The following NHS variants were observed in gnomAD, a reference collection of about 807,000 sequenced individuals.
NHS encodes NHS actin remodeling regulator.
Under a neutral mutation model 72.5 loss-of-function variants are expected in NHS, and 5 were observed. The observed-to-expected ratio is 0.07, with a 90% CI of 0.04 to 0.14. The LOEUF is 0.14. NHS is among the 10% of genes least tolerant of loss of function. The probability of loss-of-function intolerance (pLI) is 1.00; values close to 1 mark genes in which losing one functional copy is unlikely to be tolerated. For missense variants in NHS, 1,072 were observed against 1,355.7 expected (o/e 0.79, Z 3.29); for synonymous variants, 464 against 547.7 (o/e 0.85, Z 2.13).
At position 17,496,094 on chromosome X, in the gene NHS, C is replaced by G. The variant is rs138878778; in HGVS notation, c.565+119772C>G. 1.2e-3 allele frequency among the ~76,000 whole-genome samples: 134 copies of G among 111,476 alleles called. 1 individual carries two copies. Among genetic ancestry groups the G allele is most frequent in the African/African-American group, 4.3e-3 (132 of 30,680 alleles). ...TCTTCCCTTCCTCCTGCCCTCCAAT[C>G]TCCTCTGGGTGCCTCCTCTTGGCTG... On this transcript the variant is annotated intron_variant, in intron 1 of 8. Coordinates refer to ENST00000676302, the MANE Select transcript of NHS (RefSeq NM_001291867.2).
intron 1 of NHS, among the ~76,000 whole-genome samples, chrX:17,400,601 AAG>A (rs981097982): frequency 5.4e-5 from 6 of 111,015 alleles, no homozygotes; most frequent in Non-Finnish European, 9.4e-5. Flanking sequence ...GAAAAAAAAA[AAG>A]AGAGAGAATG....
chrX:17,445,736 C>G (rs1601710000), intron 1 of NHS, among the ~76,000 whole-genome samples: 2 of 89,683 alleles, frequency 2.2e-5, no homozygotes, highest in Non-Finnish European at 4.2e-5. Context: ...TCTCGACTTA[C>G]TCACTGCTAA....
chrX:17,657,540 C>A (rs1295500510), intron 1 of NHS, among the ~76,000 whole-genome samples: 2 of 112,343 alleles, frequency 1.8e-5, no homozygotes, highest in East Asian at 5.6e-4. Flanking sequence ...AGCCTCAGAC[C>A]AGGTCCACAC....
At position 17,499,079 on chromosome X, in the gene NHS, G is replaced by C. The variant is rs933148390; in HGVS notation, c.565+122757G>C. On this transcript the variant is annotated intron_variant, in intron 1 of 8. Coordinates refer to ENST00000676302, the MANE Select transcript of NHS (RefSeq NM_001291867.2). The stretch of plus-strand genomic sequence containing the variant: ...TTGGGCAAGTCTTCATAGCTACCTG[G>C]CCAGGAGTTCCAGAAGTCTGACTGT... 1.3e-4 allele frequency among the ~76,000 whole-genome samples: 14 copies of C among 111,873 alleles called. No individual in the cohort carries two copies. The Admixed American group carries it at 1.3e-3, about 11-fold the overall frequency.
Position 17,732,105 on chromosome X carries a change from C to G in NHS, c.4597C>G (p.Arg1533Gly). ...KKGSRSDSSY[R>G]MSATEILKSP... ...AGGCAGTCGCTCAGATTCTAGTTAC[C>G]GCATGTCTGCCACTGAGATCCTGAA... The change falls in exon 9 of 9, where the codon CGC becomes GGC. Residue 1533 changes from arginine to glycine, a missense_variant. Coordinates refer to ENST00000676302, the MANE Select transcript of NHS (RefSeq NM_001291867.2). 1 of 1,211,743 alleles carries G rather than the reference C, an allele frequency of 8.3e-7. No individual in the cohort carries two copies. Among genetic ancestry groups the G allele is most frequent in the Non-Finnish European group, 1.1e-6 (1 of 895,511 alleles).
chrX:17,391,764 G>A (rs748232736), intron 1 of NHS, among the ~76,000 whole-genome samples: 1 of 112,084 alleles, frequency 8.9e-6, no homozygotes, highest in East Asian at 2.8e-4. Flanking sequence ...GCTGATGGGT[G>A]GAGGAGGTCT....
chrX:17,593,844 G>T (rs1480801419), intron 1 of NHS, among the ~76,000 whole-genome samples: 1 of 112,075 alleles, frequency 8.9e-6, no homozygotes, highest in African/African-American at 3.2e-5. Flanking sequence ...TGGATGAGTA[G>T]ATGGACAGAT....
intron 1 of NHS, among the ~76,000 whole-genome samples, chrX:17,674,394 A>G (rs185182918): frequency 1.8e-5 from 2 of 112,410 alleles, no homozygotes; most frequent in East Asian, 2.8e-4. Context: ...TTGGCTCTTC[A>G]TTTGCTTACT....
intron 1 of NHS, among the ~76,000 whole-genome samples, chrX:17,634,034 T>C (rs190502780): frequency 3.0e-4 from 33 of 111,779 alleles, no homozygotes; most frequent in Admixed American, 8.5e-4. Flanking sequence ...TCCCTCCTTT[T>C]CTCCAGCCCT....
chrX:17,402,140 A>T (rs2064505838), intron 1 of NHS, among the ~76,000 whole-genome samples: 1 of 111,808 alleles, frequency 8.9e-6, no homozygotes, highest in Admixed American at 9.5e-5. Flanking sequence ...GAGATACCAC[A>T]TCATCATACC....
At chrX:17,594,352 A>G (rs1335165424) in intron 1 of NHS, among the ~76,000 whole-genome samples, 3 of 111,812 alleles carry the variant, frequency 2.7e-5, no homozygotes, top group East Asian at 2.8e-4. Context: ...AGAAAGTCCA[A>G]TGGAAGAAAG....
chrX:17,728,433 C>T lies in NHS; in HGVS notation c.4222+105C>T, dbSNP rs140351824. 786 of 892,022 alleles carry T rather than the reference C, an allele frequency of 8.8e-4. 5 individuals are homozygous for T. In the African/African-American group the frequency reaches 0.014, roughly 15 times the overall value. The allele number at this position is 892,022 out of a possible 1,213,427, so 73.5% of individuals were successfully genotyped here. Reference sequence around the variant, plus strand: ...ACGGTACAGCCCTGGGTGTTGGTTTCCCTCCACTATTTCTTTGCACTTATT... The same window carrying T: ...ACGGTACAGCCCTGGGTGTTGGTTTTCCTCCACTATTTCTTTGCACTTATT... On this transcript the variant is annotated intron_variant, in intron 7 of 8. Transcript: ENST00000676302.
At chrX:17,720,404 A>T (rs2066399006) in intron 4 of NHS, among the ~76,000 whole-genome samples, 1 of 112,411 alleles carries the variant, frequency 8.9e-6, no homozygotes, top group Non-Finnish European at 1.9e-5. Context: ...GAATATTATT[A>T]AAGTCTTACT....
In NHS at chrX:17,375,955, G is replaced by A. The variant is rs1272864905; in HGVS notation, c.198G>A (p.Gly66=). The change falls in exon 1 of 9, where the codon GGG becomes GGA. Residue 66 remains glycine, a synonymous_variant. Coordinates refer to ENST00000676302, the MANE Select transcript of NHS (RefSeq NM_001291867.2). ...EPARAVPAPS[G]LPPPPPPLPA... ...CCCGCGCCGTCCCTGCACCTTCAGG[G>A]CTGCCACCGCCGCCGCCGCCACTGC... The A allele has an allele frequency of 2.8e-6, 3 of 1,075,013 alleles. No homozygotes were observed. Among genetic ancestry groups the A allele is most frequent in the Non-Finnish European group, 3.6e-6 (3 of 833,815 alleles). The allele number at this position is 1,075,013 out of a possible 1,213,427, so 88.6% of individuals were successfully genotyped here.
At chrX:17,411,356 T>G (rs1343161496) in intron 1 of NHS, among the ~76,000 whole-genome samples, 2 of 111,601 alleles carry the variant, frequency 1.8e-5, no homozygotes, top group Non-Finnish European at 3.8e-5. Context: ...TAATGAGGCC[T>G]CCTGGCGCCA....
intron 1 of NHS, among the ~76,000 whole-genome samples, chrX:17,389,950 A>G (rs1478461802): frequency 9.1e-6 from 1 of 109,452 alleles, no homozygotes; most frequent in African/African-American, 3.5e-5. Flanking sequence ...TTTAAAAAAA[A>G]TGAAAAAAAA....
chrX:17,478,110 A>C (rs2146907873), intron 1 of NHS, among the ~76,000 whole-genome samples: 1 of 111,790 alleles, frequency 8.9e-6, no homozygotes, highest in South Asian at 3.8e-4. Context: ...CTTCCACTTA[A>C]CTGCTTTGCT....
intron 1 of NHS, among the ~76,000 whole-genome samples, chrX:17,493,275 C>G (rs770454382): frequency 2.0e-4 from 22 of 111,853 alleles, no homozygotes; most frequent in Non-Finnish European, 3.6e-4. Context: ...TTGCTGATGG[C>G]TTAATTTAGA....
At chrX:17,638,687 ATTC>A (rs1468075990) in intron 1 of NHS, among the ~76,000 whole-genome samples, 1 of 112,348 alleles carries the variant, frequency 8.9e-6, no homozygotes, top group Non-Finnish European at 1.9e-5. Flanking sequence ...TGCTTGTTGT[ATTC>A]TTTAAACGAT....
Sources: gnomAD v4.1 joint callset for allele counts (sites outside exome capture counted in the v4.1 genomes callset) on GRCh38, gnomAD v4.1.1 for gene constraint, MANE v1.5 for transcripts, NCBI Gene and HGNC (gene_info 2026-07-23, HGNC 2026-07-21) for gene names.